SCAI: variants seen among roughly 807,000 people sequenced by gnomAD.
SCAI encodes the protein suppressor of cancer cell invasion.
SCAI carries 24 observed loss-of-function variants against 92.2 expected under a neutral mutation model. The observed-to-expected ratio is 0.26, with a 90% CI of 0.19 to 0.37. SCAI has a LOEUF of 0.37. SCAI is among the 10% of genes least tolerant of loss of function. SCAI has a pLI of 1.00. For missense variants in SCAI, 450 were observed against 736.2 expected (o/e 0.61, Z 4.50); for synonymous variants, 261 against 258.6 (o/e 1.01, Z -0.09).
At chr9:125,106,123 ATATATATAT>A (rs1315233350) in intron 2 of SCAI, among the ~76,000 whole-genome samples, 12 of 9,282 alleles carry the variant, frequency 1.3e-3, no homozygotes, top group African/African-American at 2.1e-3. Flanking sequence ...AAAAAAAAAA[ATATATATAT>A]ATATATATAT....
chr9:125,019,601 A>G (rs1832828835), intron 7 of SCAI, among the ~76,000 whole-genome samples: 1 of 152,068 alleles, frequency 6.6e-6, no homozygotes, highest in South Asian at 2.1e-4. Flanking sequence ...AGATTTCGAG[A>G]GCAGCCTAGG....
chr9:125,077,987 T>C (rs1834129808), intron 2 of SCAI, among the ~76,000 whole-genome samples: 1 of 151,716 alleles, frequency 6.6e-6, no homozygotes, highest in African/African-American at 2.4e-5. Context: ...CCCAAAGTGC[T>C]GGGATTACAG....
intron 3 of SCAI, among the ~76,000 whole-genome samples, chr9:125,030,554 T>G (rs1170468292): frequency 6.6e-6 from 1 of 152,132 alleles, no homozygotes; most frequent in Non-Finnish European, 1.5e-5. Flanking sequence ...GAAAAGCTAG[T>G]CCAGAAACTG....
chr9:125,083,323 GC>G (rs1313060535), intron 2 of SCAI, among the ~76,000 whole-genome samples: 5 of 152,136 alleles, frequency 3.3e-5, no homozygotes, highest in African/African-American at 4.8e-5. Context: ...TTCATGACCA[GC>G]CTGGTCAACA....
chr9:125,143,015 C>A, intron 1 of SCAI, among the ~76,000 whole-genome samples: 1 of 150,550 alleles, frequency 6.6e-6, no homozygotes, highest in Non-Finnish European at 1.5e-5. Flanking sequence ...CCCCTAGCCT[C>A]CCCTTTCCTG....
intron 2 of SCAI, among the ~76,000 whole-genome samples, chr9:125,068,772 G>T (rs1204255526): frequency 6.6e-6 from 1 of 152,136 alleles, no homozygotes; most frequent in Non-Finnish European, 1.5e-5. Context: ...AAATCAGTTT[G>T]AAAACACTAC....
rs561813322 is a variant in SCAI at position 124,971,418 on chromosome 9, T to C, written c.1626A>G (p.Thr542=). 6.2e-7 allele frequency: 1 copy of C among 1,613,212 alleles called. No individual in the cohort carries two copies. The highest frequency in any genetic ancestry group is 1.7e-5 in the Admixed American group (1 of 59,830). Residue 542 remains threonine, a synonymous_variant, in exon 17 of 18, where the codon ACA becomes ACG. Transcript: ENST00000336505. ...TGGTGGCTGAACAAAAGATAAATCT[T>C]GTGAGGAGCAAGCGAAGAAATTCAT... The part of the protein sequence containing the change: ...FGDEFLRLLL[T]RFIFCSATMR...
At chr9:124,987,146 C>T (rs1832010115) in intron 14 of SCAI, among the ~76,000 whole-genome samples, 1 of 152,154 alleles carries the variant, frequency 6.6e-6, no homozygotes, top group Non-Finnish European at 1.5e-5. Flanking sequence ...GCCTCGGCCT[C>T]CTGAATAGCT....
chr9:125,046,289 C>T (rs1404156662), intron 3 of SCAI, among the ~76,000 whole-genome samples: 2 of 91,184 alleles, frequency 2.2e-5, no homozygotes, highest in East Asian at 3.5e-4. Flanking sequence ...ATATTTCATT[C>T]CTTTTATGGC....
At chr9:125,102,200 T>C (rs144325651) in intron 2 of SCAI, among the ~76,000 whole-genome samples, 2 of 152,206 alleles carry the variant, frequency 1.3e-5, no homozygotes, top group African/African-American at 4.8e-5. Flanking sequence ...TTGAGAACCA[T>C]TGGTCTAATG....
At position 124,943,820 on chromosome 9, in the gene SCAI, A is replaced by C. The variant is rs1831097959; in HGVS notation, c.*8987T>G. 1 of 152,230 alleles carries C rather than the reference A, an allele frequency of 6.6e-6. No individual in the cohort carries two copies. The highest frequency in any genetic ancestry group is 2.1e-4 in the South Asian group (1 of 4,834). The allele number at this position is 152,230 out of a possible 1,614,324, so 9.4% of individuals were successfully genotyped here. A position where few individuals can be genotyped will look rare whatever the true frequency, so the allele number is the denominator to read the frequency against. ...AAGGGAAACTCAACCTTCCAATGGA[A>C]ACTGCTCAGAGGAAATAATAAAGTG... On this transcript the variant is annotated 3_prime_UTR_variant, in exon 18 of 18. Coordinates refer to ENST00000336505, the MANE Select transcript of SCAI (RefSeq NM_001144877.3).
intron 2 of SCAI, among the ~76,000 whole-genome samples, chr9:125,062,589 T>C (rs144359052): frequency 0.041 from 6,215 of 150,132 alleles, 403 homozygotes; most frequent in African/African-American, 0.14. Context: ...ACCCCATCTC[T>C]ACTAAAAATA....
intron 17 of SCAI, among the ~76,000 whole-genome samples, chr9:124,960,870 A>C (rs1831422225): frequency 6.6e-6 from 1 of 152,176 alleles, no homozygotes; most frequent in African/African-American, 2.4e-5. Context: ...CTATTACCCC[A>C]CTTTGGGAGG....
chr9:125,138,237 G>A (rs113484703), intron 2 of SCAI, among the ~76,000 whole-genome samples: 4,871 of 149,352 alleles, frequency 0.033, 237 homozygotes, highest in African/African-American at 0.11. Context: ...TGGGGAAGTC[G>A]AACTATTATT....
At chr9:125,115,732 G>GA (rs1415534679) in intron 2 of SCAI, among the ~76,000 whole-genome samples, 2 of 152,024 alleles carry the variant, frequency 1.3e-5, no homozygotes, top group Non-Finnish European at 2.9e-5. Flanking sequence ...GTAAAATTAT[G>GA]AAAAAAATGC....
chr9:125,120,552 A>T (rs1331419412), intron 2 of SCAI, among the ~76,000 whole-genome samples: 4 of 151,908 alleles, frequency 2.6e-5, no homozygotes, highest in Non-Finnish European at 4.4e-5. Context: ...AATTAGCCAG[A>T]CATGGTGGCA....
At chr9:125,072,269 AC>A (rs1318118518) in intron 2 of SCAI, among the ~76,000 whole-genome samples, 1 of 152,152 alleles carries the variant, frequency 6.6e-6, no homozygotes, top group East Asian at 1.9e-4. Context: ...TGATCCGCCC[AC>A]CTTGGCCTCC....
chr9:125,097,650 A>G (rs1323719872), intron 2 of SCAI, among the ~76,000 whole-genome samples: 2 of 151,792 alleles, frequency 1.3e-5, no homozygotes, highest in East Asian at 3.8e-4. Flanking sequence ...TGATTTAAAA[A>G]GGCAGGAAGA....
chr9:125,010,698 G>T (rs1832617090), intron 9 of SCAI, among the ~76,000 whole-genome samples: 1 of 152,204 alleles, frequency 6.6e-6, no homozygotes, highest in African/African-American at 2.4e-5. Flanking sequence ...CCAGCACGCA[G>T]CTTGAGATCT....
Sources: gnomAD v4.1 joint callset for allele counts (sites outside exome capture counted in the v4.1 genomes callset) on GRCh38, gnomAD v4.1.1 for gene constraint, MANE v1.5 for transcripts, NCBI Gene and HGNC (gene_info 2026-07-23, HGNC 2026-07-21) for gene names.